The following PTPRM variants were observed in gnomAD, a reference collection of about 807,000 sequenced individuals.
The protein encoded by PTPRM is protein tyrosine phosphatase receptor type M, also known as receptor-type tyrosine-protein phosphatase mu.
In PTPRM, 47 loss-of-function variants were observed where a neutral mutation model predicts 186.7. The ratio of observed to expected loss-of-function variants is 0.25; its 90% CI spans 0.20 to 0.32. The LOEUF (loss-of-function observed/expected upper bound fraction) is 0.32, where lower values mean the gene tolerates loss of function less well. Among genes scored for constraint, PTPRM ranks in the 10% least tolerant of loss-of-function variants. The pLI, the probability that PTPRM is intolerant of heterozygous loss-of-function variation, is 1.00. For synonymous variants in PTPRM, 668 were observed against 674.9 expected, an observed-to-expected ratio of 0.99 and a Z score of 0.16; for missense variants, 1,494 against 1,865.0, an observed-to-expected ratio of 0.80 and a Z score of 3.66.
At chr18:8,306,094 T>C (rs2147963704) in intron 20 of PTPRM, among the ~76,000 whole-genome samples, 1 of 152,090 alleles carries the variant, frequency 6.6e-6, no homozygotes, top group East Asian at 1.9e-4. Context: ...ACGGAGTTTC[T>C]TCATGTTGGT....
intron 5 of PTPRM, among the ~76,000 whole-genome samples, chr18:7,934,581 A>G (rs1337084896): frequency 2.0e-5 from 3 of 152,228 alleles, no homozygotes; most frequent in East Asian, 1.9e-4. Flanking sequence ...AATAGTGTTT[A>G]TATTACTGAC....
At chr18:7,743,559 T>C (rs2040925291) in intron 1 of PTPRM, among the ~76,000 whole-genome samples, 1 of 152,184 alleles carries the variant, frequency 6.6e-6, no homozygotes, top group Admixed American at 6.5e-5. Flanking sequence ...AAAGAGCTGC[T>C]AAAACCTGGT....
At chr18:8,040,588 G>A (rs2086631804) in intron 7 of PTPRM, among the ~76,000 whole-genome samples, 2 of 152,238 alleles carry the variant, frequency 1.3e-5, no homozygotes, top group East Asian at 1.9e-4. Context: ...CTACAAGTGA[G>A]TTTCTTGTCG....
chr18:7,709,247 C>G (rs2040161015), intron 1 of PTPRM, among the ~76,000 whole-genome samples: 1 of 152,044 alleles, frequency 6.6e-6, no homozygotes. Flanking sequence ...TGGAAATTAA[C>G]TTCAAAAGGA....
chr18:7,925,641 C>T (rs2146788782), intron 4 of PTPRM, among the ~76,000 whole-genome samples: 1 of 152,226 alleles, frequency 6.6e-6, no homozygotes, highest in South Asian at 2.1e-4. Context: ...TTATCTGTCT[C>T]TCCCAGAAAG....
intron 2 of PTPRM, among the ~76,000 whole-genome samples, chr18:7,819,637 C>G (rs892160036): frequency 6.6e-6 from 1 of 152,208 alleles, no homozygotes; most frequent in Non-Finnish European, 1.5e-5. Flanking sequence ...AGGCAAGAAC[C>G]CTGGGATACA....
rs751900694 is a variant in PTPRM at position 7,676,627 on chromosome 18, C to CTGTGTG, written c.74-97492_74-97487dup. Among the ~76,000 whole-genome samples the CTGTGTG allele has an allele frequency of 8.0e-4, 113 of 141,496 alleles. 1 individual carries two copies. The highest frequency in any genetic ancestry group is 5.8e-3 in the East Asian group (27 of 4,656). The allele number at this position is 141,496 out of a possible 152,430, so 92.8% of individuals were successfully genotyped here. A position where few individuals can be genotyped will look rare whatever the true frequency, so the allele number is the denominator to read the frequency against. ...TTTTCTGTCAGCCAGGAGATTCTAG[C>CTGTGTG]TGTGTGTGTGTGTGTGTGTGTGTGT... is the stretch of plus-strand genomic sequence containing the variant. On this transcript the variant is annotated intron_variant, in intron 1 of 32. Transcript: ENST00000580170.
At chr18:7,984,571 C>CCA (rs1173284767) in intron 7 of PTPRM, among the ~76,000 whole-genome samples, 1 of 72,594 alleles carries the variant, frequency 1.4e-5, no homozygotes, top group African/African-American at 6.9e-5. Flanking sequence ...TATATATGCC[C>CCA]CATATATATA....
At chr18:8,139,454 C>T (rs182069959) in intron 13 of PTPRM, among the ~76,000 whole-genome samples, 4 of 152,194 alleles carry the variant, frequency 2.6e-5, no homozygotes, top group African/African-American at 9.7e-5. Flanking sequence ...CCCGCTACAG[C>T]CTGCAGTACA....
intron 14 of PTPRM, among the ~76,000 whole-genome samples, chr18:8,146,295 A>G (rs2092884291): frequency 6.6e-6 from 1 of 152,128 alleles, no homozygotes; most frequent in African/African-American, 2.4e-5. Context: ...TGCTGGGATT[A>G]CAGGCGTGAG....
intron 22 of PTPRM, among the ~76,000 whole-genome samples, chr18:8,328,316 C>T (rs993243706): frequency 6.6e-6 from 1 of 152,204 alleles, no homozygotes; most frequent in Non-Finnish European, 1.5e-5. Flanking sequence ...CAGCTTTTTT[C>T]TCTTGCATTC....
At chr18:7,701,998 T>A (rs1445527206) in intron 1 of PTPRM, among the ~76,000 whole-genome samples, 1 of 152,206 alleles carries the variant, frequency 6.6e-6, no homozygotes, top group East Asian at 1.9e-4. Context: ...GGTTTCCAGC[T>A]TCATCCATGT....
rs141302341 is a variant in PTPRM at position 8,159,155 on chromosome 18, C to T, written c.2300+15376C>T. 2.9e-3 allele frequency among the ~76,000 whole-genome samples: 429 copies of T among 150,238 alleles called. 3 individuals carry two copies. The highest frequency in any genetic ancestry group is 9.6e-3 in the African/African-American group (382 of 39,664). ...TTAATTTTTAAGAAGGATACAGAGG[C>T]GCCACTGTGTTGATTGAGAAAGGAA... On this transcript the variant is annotated intron_variant, in intron 14 of 32. Coordinates refer to ENST00000580170, the MANE Select transcript of PTPRM (RefSeq NM_001105244.2).
At chr18:7,599,811 C>A (rs1002828298) in intron 1 of PTPRM, among the ~76,000 whole-genome samples, 2 of 152,186 alleles carry the variant, frequency 1.3e-5, no homozygotes, top group Non-Finnish European at 2.9e-5. Flanking sequence ...GGCACCCTCC[C>A]GAGCTGGGGA....
intron 1 of PTPRM, among the ~76,000 whole-genome samples, chr18:7,666,334 A>T (rs2039093928): frequency 6.6e-6 from 1 of 152,132 alleles, no homozygotes; most frequent in South Asian, 2.1e-4. Flanking sequence ...TGAAATGCAA[A>T]TGGAAAGGAA....
chr18:7,633,088 G>T (rs2038228989), intron 1 of PTPRM, among the ~76,000 whole-genome samples: 1 of 152,126 alleles, frequency 6.6e-6, no homozygotes, highest in Admixed American at 6.6e-5. Context: ...GCAGGAAAGT[G>T]CTCCTTTTCT....
chr18:8,150,248 T>G (rs1255835098), intron 14 of PTPRM, among the ~76,000 whole-genome samples: 1 of 152,230 alleles, frequency 6.6e-6, no homozygotes, highest in Non-Finnish European at 1.5e-5. Flanking sequence ...TTTTCCAACT[T>G]GGTTCCATTC....
At chr18:7,644,541 T>G (rs2038516683) in intron 1 of PTPRM, among the ~76,000 whole-genome samples, 1 of 152,120 alleles carries the variant, frequency 6.6e-6, no homozygotes. Flanking sequence ...TTAATTAATT[T>G]ACAAGATTAC....
At chr18:8,381,339 G>A (rs1446413007) in intron 29 of PTPRM, among the ~76,000 whole-genome samples, 2 of 138,904 alleles carry the variant, frequency 1.4e-5, no homozygotes. Context: ...TTCCTGTCCA[G>A]TAGACACAAA....
Sources: gnomAD v4.1 joint callset for allele counts (sites outside exome capture counted in the v4.1 genomes callset) on GRCh38, gnomAD v4.1.1 for gene constraint, MANE v1.5 for transcripts, NCBI Gene and HGNC (gene_info 2026-07-23, HGNC 2026-07-21) for gene names.